Variants in GNA14 observed in about 807,000 individuals in gnomAD.
The protein encoded by GNA14 is G protein subunit alpha 14.
A neutral mutation model predicts 42.0 loss-of-function variants in GNA14; 50 were observed. That is an observed-to-expected ratio of 1.19 (90% CI 0.95 to 1.51). The LOEUF (loss-of-function observed/expected upper bound fraction) is 1.51, where lower values mean the gene tolerates loss of function less well. Ranked by LOEUF, GNA14 falls within the 40% of genes most tolerant of loss-of-function variation. The probability of loss-of-function intolerance (pLI) is 0.00; values close to 1 mark genes in which losing one functional copy is unlikely to be tolerated. For synonymous variants in GNA14, 173 were observed against 163.1 expected, an observed-to-expected ratio of 1.06 and a Z score of -0.46; for missense variants, 473 against 446.2, an observed-to-expected ratio of 1.06 and a Z score of -0.54.
intron 1 of GNA14, among the ~76,000 whole-genome samples, chr9:77,644,468 A>C (rs1824323605): frequency 2.7e-5 from 4 of 147,346 alleles, no homozygotes; most frequent in African/African-American, 5.0e-5. Context: ...AAAAAAAGAC[A>C]CAGGAATGTG....
chr9:77,587,901 C>G (rs1402328097), intron 1 of GNA14, among the ~76,000 whole-genome samples: 1 of 152,112 alleles, frequency 6.6e-6, no homozygotes, highest in African/African-American at 2.4e-5. Context: ...GGCTCTGTTC[C>G]TTCTGGAGGC....
At chr9:77,603,953 A>AAAG (rs1823609405) in intron 1 of GNA14, among the ~76,000 whole-genome samples, 1 of 139,896 alleles carries the variant, frequency 7.1e-6, no homozygotes, top group Non-Finnish European at 1.5e-5. Flanking sequence ...CAAAAAAAAA[A>AAAG]AACAAAAAAA....
At chr9:77,430,180 T>C (rs565550323) in intron 4 of GNA14, among the ~76,000 whole-genome samples, 1 of 152,294 alleles carries the variant, frequency 6.6e-6, no homozygotes, top group East Asian at 1.9e-4. Context: ...AAGAAGCCAT[T>C]CTATAAAAGC....
At chr9:77,530,034 C>T (rs1429776770) in intron 1 of GNA14, among the ~76,000 whole-genome samples, 1 of 152,098 alleles carries the variant, frequency 6.6e-6, no homozygotes, top group Non-Finnish European at 1.5e-5. Context: ...ACCCCTTTAC[C>T]ATGTTTGGAA....
intron 1 of GNA14, among the ~76,000 whole-genome samples, chr9:77,575,423 T>C (rs1325201307): frequency 2.0e-5 from 3 of 152,164 alleles, no homozygotes; most frequent in African/African-American, 7.2e-5. Context: ...ATTACTTCCT[T>C]CTAGAATGAA....
intron 1 of GNA14, among the ~76,000 whole-genome samples, chr9:77,572,398 C>G (rs1429105931): frequency 1.3e-5 from 2 of 152,110 alleles, no homozygotes; most frequent in Non-Finnish European, 2.9e-5. Flanking sequence ...TACCTTTAGA[C>G]ATTTCTTTTT....
intron 2 of GNA14, among the ~76,000 whole-genome samples, chr9:77,447,120 C>A (rs760284293): frequency 6.6e-6 from 1 of 152,006 alleles, no homozygotes; most frequent in Non-Finnish European, 1.5e-5. Context: ...CACACCACCA[C>A]GCCGAGTAGA....
At chr9:77,455,837 A>C (rs1835988941) in intron 2 of GNA14, among the ~76,000 whole-genome samples, 1 of 152,214 alleles carries the variant, frequency 6.6e-6, no homozygotes, top group Non-Finnish European at 1.5e-5. Flanking sequence ...GCTAAGTCTA[A>C]GTAACTGAGT....
At chr9:77,553,574 T>C (rs972732624) in intron 1 of GNA14, among the ~76,000 whole-genome samples, 4 of 152,136 alleles carry the variant, frequency 2.6e-5, no homozygotes, top group Non-Finnish European at 5.9e-5. Context: ...CTCATTATCA[T>C]GGAGTGCAAA....
At chr9:77,471,729 A>G (rs1350293225) in intron 2 of GNA14, among the ~76,000 whole-genome samples, 2 of 152,086 alleles carry the variant, frequency 1.3e-5, no homozygotes, top group African/African-American at 4.8e-5. Flanking sequence ...CATCAAAGTC[A>G]CTCACTACAG....
At chr9:77,572,253 T>C (rs1823071510) in intron 1 of GNA14, among the ~76,000 whole-genome samples, 1 of 152,088 alleles carries the variant, frequency 6.6e-6, no homozygotes, top group African/African-American at 2.4e-5. Flanking sequence ...AGAAAAGATC[T>C]AAGGAAAGAA....
At chr9:77,496,586 G>A (rs1366788817) in intron 2 of GNA14, among the ~76,000 whole-genome samples, 1 of 152,182 alleles carries the variant, frequency 6.6e-6, no homozygotes, top group Admixed American at 6.5e-5. Flanking sequence ...ACAAGACAAT[G>A]AAACAGGAGA....
At chr9:77,604,472 C>G (rs150969830) in intron 1 of GNA14, among the ~76,000 whole-genome samples, 1 of 152,320 alleles carries the variant, frequency 6.6e-6, no homozygotes, top group African/African-American at 2.4e-5. Flanking sequence ...CACTAATCCT[C>G]TAAGTGAACC....
At chr9:77,605,615 G>C (rs529458746) in intron 1 of GNA14, among the ~76,000 whole-genome samples, 14 of 152,188 alleles carry the variant, frequency 9.2e-5, no homozygotes, top group African/African-American at 3.4e-4. Flanking sequence ...CCTGTCATCT[G>C]TGACAACATG....
At chr9:77,618,852 C>G (rs1324556280) in intron 1 of GNA14, among the ~76,000 whole-genome samples, 1 of 150,208 alleles carries the variant, frequency 6.7e-6, no homozygotes, top group Non-Finnish European at 1.5e-5. Context: ...CCGGGATGGT[C>G]TCGATCTCCT....
intron 1 of GNA14, among the ~76,000 whole-genome samples, chr9:77,631,473 A>C (rs923149280): frequency 6.7e-6 from 1 of 150,084 alleles, no homozygotes; most frequent in Non-Finnish European, 1.5e-5. Context: ...TATGTAAAAA[A>C]AAAAAAAAAA....
chr9:77,523,488 A>C (rs1056718320), intron 2 of GNA14, among the ~76,000 whole-genome samples: 2 of 151,848 alleles, frequency 1.3e-5, no homozygotes, highest in African/African-American at 4.8e-5. Flanking sequence ...ATGAGAAACC[A>C]CCCTCAGGAT....
At chr9:77,541,176 C>T (rs984348099) in intron 1 of GNA14, among the ~76,000 whole-genome samples, 1 of 152,156 alleles carries the variant, frequency 6.6e-6, no homozygotes, top group Non-Finnish European at 1.5e-5. Context: ...TTTCACTTCA[C>T]TTCCAGGTTT....
intron 1 of GNA14, among the ~76,000 whole-genome samples, chr9:77,574,269 C>T (rs1823099500): frequency 6.6e-6 from 1 of 152,154 alleles, no homozygotes; most frequent in Non-Finnish European, 1.5e-5. Context: ...TGCACCTTGA[C>T]GGTATTTCAA....
Sources: allele counts gnomAD v4.1 joint callset (sites outside exome capture counted in the v4.1 genomes callset), GRCh38; gene constraint gnomAD v4.1.1; transcripts MANE v1.5; gene names NCBI Gene and HGNC (gene_info 2026-07-23, HGNC 2026-07-21).